GPATCH2: variants seen among roughly 807,000 people sequenced by gnomAD.
The protein encoded by GPATCH2 is G patch domain-containing protein 2.
A neutral mutation model predicts 58.0 loss-of-function variants in GPATCH2; 51 were observed. That is an observed-to-expected ratio of 0.88 (90% CI 0.70 to 1.11). The LOEUF (loss-of-function observed/expected upper bound fraction) is 1.11. Among genes scored for constraint, GPATCH2 ranks in the 50% most tolerant of loss-of-function variants. The pLI, the probability that GPATCH2 is intolerant of heterozygous loss-of-function variation, is 0.00. For missense variants in GPATCH2, 625 were observed against 652.2 expected (o/e 0.96, Z 0.45); for synonymous variants, 222 against 218.5 (o/e 1.02, Z -0.14).
At chr1:217,536,916 G>A (rs774797387) in intron 5 of GPATCH2, among the ~76,000 whole-genome samples, 4 of 152,180 alleles carry the variant, frequency 2.6e-5, no homozygotes, top group Non-Finnish European at 4.4e-5. Context: ...AGGGTGCAGT[G>A]AGCCGAGATC....
intron 1 of GPATCH2, among the ~76,000 whole-genome samples, chr1:217,626,617 C>T (rs1669472745): frequency 6.6e-6 from 1 of 152,120 alleles, no homozygotes; most frequent in Non-Finnish European, 1.5e-5. Flanking sequence ...ATTTCTGCTG[C>T]TTATGGGAAT....
chr1:217,613,056 A>G (rs1040833815), intron 3 of GPATCH2, among the ~76,000 whole-genome samples: 1 of 152,014 alleles, frequency 6.6e-6, no homozygotes, highest in Non-Finnish European at 1.5e-5. Flanking sequence ...TTATTTCATA[A>G]CCAATATCAG....
At chr1:217,597,362 C>T (rs959506794) in intron 5 of GPATCH2, among the ~76,000 whole-genome samples, 5 of 150,342 alleles carry the variant, frequency 3.3e-5, no homozygotes, top group Admixed American at 1.3e-4. Flanking sequence ...AAAAAAACGG[C>T]AAAATCACAG....
intron 5 of GPATCH2, among the ~76,000 whole-genome samples, chr1:217,542,848 T>A (rs1056301222): frequency 1.3e-5 from 2 of 152,190 alleles, no homozygotes; most frequent in African/African-American, 4.8e-5. Context: ...CTTTTCCACT[T>A]TTCCTTAATC....
At chr1:217,574,239 A>G (rs2102725767) in intron 5 of GPATCH2, among the ~76,000 whole-genome samples, 1 of 152,290 alleles carries the variant, frequency 6.6e-6, no homozygotes, top group South Asian at 2.1e-4. Flanking sequence ...CCTTTTTTAC[A>G]TTTTTATATA....
chr1:217,550,863 ATTAT>A (rs1251259696), intron 5 of GPATCH2, among the ~76,000 whole-genome samples: 3 of 150,692 alleles, frequency 2.0e-5, no homozygotes, highest in Admixed American at 6.6e-5. Flanking sequence ...TTATAATATA[ATTAT>A]TTAAATACAT....
intron 8 of GPATCH2, among the ~76,000 whole-genome samples, chr1:217,475,215 G>C (rs1452494691): frequency 1.3e-5 from 2 of 152,168 alleles, no homozygotes. Flanking sequence ...GAGGTGGGTG[G>C]ATCATTTGAG....
chr1:217,504,927 A>C (rs1347317018), intron 6 of GPATCH2, among the ~76,000 whole-genome samples: 1 of 152,226 alleles, frequency 6.6e-6, no homozygotes, highest in Non-Finnish European at 1.5e-5. Flanking sequence ...CTTGAAAGTC[A>C]GAGTCAAGTT....
chr1:217,614,290 T>C, intron 2 of GPATCH2, 88 bp from the exon 3 acceptor site: 2 of 755,024 alleles, frequency 2.6e-6, no homozygotes, highest in South Asian at 1.6e-5. Context: ...AGCTCAGAGA[T>C]GGAACTTAAG....
intron 8 of GPATCH2, among the ~76,000 whole-genome samples, chr1:217,489,184 G>A (rs1661599791): frequency 2.0e-5 from 3 of 150,502 alleles, no homozygotes; most frequent in African/African-American, 2.4e-5. Flanking sequence ...CAATCCTCCT[G>A]TTTCAGCCTT....
At chr1:217,507,986 T>A (rs1041472948) in intron 6 of GPATCH2, among the ~76,000 whole-genome samples, 1 of 152,114 alleles carries the variant, frequency 6.6e-6, no homozygotes, top group African/African-American at 2.4e-5. Context: ...GTGTACAATA[T>A]AAAGTATGTC....
chr1:217,463,073 G>A (rs1406832723), intron 8 of GPATCH2, among the ~76,000 whole-genome samples: 1 of 152,100 alleles, frequency 6.6e-6, no homozygotes, highest in Non-Finnish European at 1.5e-5. Flanking sequence ...AACTGAATAT[G>A]GCATAATTTG....
At chr1:217,558,264 A>G (rs962849702) in intron 5 of GPATCH2, among the ~76,000 whole-genome samples, 3 of 152,182 alleles carry the variant, frequency 2.0e-5, no homozygotes, top group African/African-American at 7.2e-5. Flanking sequence ...TTCTGTGTGT[A>G]ACAGAGGTAA....
At chr1:217,518,887 T>C (rs901330643) in intron 5 of GPATCH2, among the ~76,000 whole-genome samples, 6 of 152,208 alleles carry the variant, frequency 3.9e-5, no homozygotes, top group African/African-American at 1.4e-4. Context: ...AAAGAAGGCC[T>C]TTCCATTTTG....
chr1:217,478,147 C>T (rs1661050504), intron 8 of GPATCH2, among the ~76,000 whole-genome samples: 3 of 152,098 alleles, frequency 2.0e-5, no homozygotes. Context: ...TATCCAAGTC[C>T]CTTTTAATAT....
At chr1:217,542,030 T>C (rs1235772028) in intron 5 of GPATCH2, among the ~76,000 whole-genome samples, 2 of 152,226 alleles carry the variant, frequency 1.3e-5, no homozygotes, top group Non-Finnish European at 2.9e-5. Flanking sequence ...CTCATGCTCA[T>C]AAATGATGTA....
chr1:217,458,688 C>A (rs556092428), intron 8 of GPATCH2, among the ~76,000 whole-genome samples: 23 of 152,094 alleles, frequency 1.5e-4, no homozygotes, highest in African/African-American at 5.5e-4. Flanking sequence ...TTCTGTGTTT[C>A]CTAATTCTGC....
At chr1:217,433,352 T>A (rs1333978156) in intron 9 of GPATCH2, among the ~76,000 whole-genome samples, 1 of 145,470 alleles carries the variant, frequency 6.9e-6, no homozygotes, top group East Asian at 2.0e-4. Flanking sequence ...TATTGTTCTT[T>A]AAGCTGTTCA....
intron 8 of GPATCH2, among the ~76,000 whole-genome samples, chr1:217,478,691 G>A (rs952239522): frequency 4.6e-5 from 7 of 150,742 alleles, no homozygotes; most frequent in Non-Finnish European, 1.0e-4. Context: ...AAATGAAAGA[G>A]ATAGGGGTAG....
Sources: allele counts gnomAD v4.1 joint callset (sites outside exome capture counted in the v4.1 genomes callset), GRCh38; gene constraint gnomAD v4.1.1; transcripts MANE v1.5; gene names NCBI Gene and HGNC (gene_info 2026-07-23, HGNC 2026-07-21).